REPS2: variants seen among roughly 807,000 people sequenced by gnomAD.
The protein encoded by REPS2 is RALBP1 associated Eps domain containing 2, also known as ralBP1-associated Eps domain-containing protein 2.
Under a neutral mutation model 53.6 loss-of-function variants are expected in REPS2, and 23 were observed. The ratio of observed to expected loss-of-function variants is 0.43; its 90% CI spans 0.31 to 0.61. The LOEUF is 0.61. REPS2 is among the 20% of genes least tolerant of loss of function. REPS2 has a pLI of 0.11. For missense variants in REPS2, 446 were observed against 534.9 expected (o/e 0.83, Z 1.64); for synonymous variants, 238 against 218.6 (o/e 1.09, Z -0.78).
At chrX:16,951,559 A>ACACACACACACCCCCCC (rs879259718) in intron 1 of REPS2, among the ~76,000 whole-genome samples, 1 of 37,477 alleles carries the variant, frequency 2.7e-5, no homozygotes, top group Non-Finnish European at 5.5e-5. Flanking sequence ...ACACACACAC[A>ACACACACACACCCCCCC]CCCCCGCTAC....
intron 1 of REPS2, among the ~76,000 whole-genome samples, chrX:16,954,610 G>A (rs766904368): frequency 1.8e-5 from 2 of 110,699 alleles, no homozygotes; most frequent in South Asian, 3.8e-4. Flanking sequence ...GGAGATAGAC[G>A]TGCTTGAGAA....
chrX:17,006,132 T>C, intron 1 of REPS2, 89 bp from the exon 2 acceptor site: 2 of 1,079,018 alleles, frequency 1.9e-6, no homozygotes, highest in Non-Finnish European at 2.5e-6. Flanking sequence ...AGCCACTAGG[T>C]GAAATCCTTG....
At chrX:17,159,894 G>A in the REPS2 span, among the ~76,000 whole-genome samples, 1 of 112,068 alleles carries the variant, frequency 8.9e-6, no homozygotes, top group Non-Finnish European at 1.9e-5. Flanking sequence ...ATGATTTGAT[G>A]ACATCCTTCT....
chrX:16,973,287 T>C (rs2060916755), intron 1 of REPS2, among the ~76,000 whole-genome samples: 1 of 111,903 alleles, frequency 8.9e-6, no homozygotes, highest in South Asian at 3.7e-4. Context: ...TACAGTAAAA[T>C]TATTACTTTT....
intron 1 of REPS2, among the ~76,000 whole-genome samples, chrX:16,999,963 C>A (rs1290254849): frequency 1.1e-5 from 1 of 94,596 alleles, no homozygotes; most frequent in Non-Finnish European, 2.1e-5. Context: ...AGGAGAATGG[C>A]GTGAACCCGG....
intron 13 of REPS2, among the ~76,000 whole-genome samples, chrX:17,083,648 G>A (rs971190411): frequency 1.1e-4 from 12 of 111,905 alleles, no homozygotes; most frequent in Non-Finnish European, 2.3e-4. Flanking sequence ...AGTAAGAGAT[G>A]TTCCTAATAC....
chrX:17,094,845 G>A (rs2062674500), intron 13 of REPS2, among the ~76,000 whole-genome samples: 1 of 109,419 alleles, frequency 9.1e-6, no homozygotes. Flanking sequence ...GCTTCATAAG[G>A]GTATAGCTTT....
intron 1 of REPS2, among the ~76,000 whole-genome samples, chrX:16,954,257 G>A (rs2060562689): frequency 8.9e-6 from 1 of 111,810 alleles, no homozygotes; most frequent in Non-Finnish European, 1.9e-5. Context: ...ACCACACCCT[G>A]CCATTTTTCA....
At chrX:17,009,620 T>C (rs979380505) in intron 2 of REPS2, among the ~76,000 whole-genome samples, 2 of 111,025 alleles carry the variant, frequency 1.8e-5, no homozygotes, top group Non-Finnish European at 3.8e-5. Context: ...CTTGTTATGT[T>C]TCCCAGGCTG....
chrX:17,145,560 C>T (rs2063501370), intron 17 of REPS2, among the ~76,000 whole-genome samples: 1 of 111,385 alleles, frequency 9.0e-6, no homozygotes, highest in Non-Finnish European at 1.9e-5. Flanking sequence ...GATTTTTCTT[C>T]TCTCCTACAT....
chrX:17,004,588 T>C (rs2061341517), intron 1 of REPS2, among the ~76,000 whole-genome samples: 1 of 111,070 alleles, frequency 9.0e-6, no homozygotes, highest in African/African-American at 3.3e-5. Flanking sequence ...TGTGTATATA[T>C]TCTACTTTGG....
chrX:17,053,878 A>G (rs1055829849), intron 7 of REPS2, among the ~76,000 whole-genome samples: 2 of 111,562 alleles, frequency 1.8e-5, no homozygotes, highest in Non-Finnish European at 3.8e-5. Context: ...TCGAAATTGG[A>G]GGAGGAGGAT....
intron 1 of REPS2, among the ~76,000 whole-genome samples, chrX:16,992,311 G>A (rs1295306585): frequency 9.0e-6 from 1 of 111,420 alleles, no homozygotes; most frequent in East Asian, 2.8e-4. Context: ...GAATCTGCTG[G>A]CACCTTGATC....
At chrX:17,120,667 C>T (rs895948307) in intron 14 of REPS2, among the ~76,000 whole-genome samples, 2 of 111,340 alleles carry the variant, frequency 1.8e-5, no homozygotes, top group African/African-American at 3.3e-5. Context: ...TGAAGTGGCT[C>T]GCTAAAGCAC....
At chrX:16,988,950 A>G (rs1222536173) in intron 1 of REPS2, among the ~76,000 whole-genome samples, 2 of 111,855 alleles carry the variant, frequency 1.8e-5, no homozygotes, top group African/African-American at 3.2e-5. Context: ...TGTAGATATA[A>G]TTATAAAATT....
At chrX:17,115,795 C>T (rs939492981) in intron 14 of REPS2, among the ~76,000 whole-genome samples, 1 of 112,147 alleles carries the variant, frequency 8.9e-6, no homozygotes, top group African/African-American at 3.2e-5. Context: ...GCCCTTAATC[C>T]GTTTAACCCT....
chrX:17,145,367 G>A (rs1314121170), intron 17 of REPS2, among the ~76,000 whole-genome samples: 1 of 111,443 alleles, frequency 9.0e-6, no homozygotes, highest in Non-Finnish European at 1.9e-5. Context: ...TTTCCTCTGT[G>A]CTCTAGACTT....
chrX:16,981,674 G>T (rs1289248200), intron 1 of REPS2, among the ~76,000 whole-genome samples: 1 of 112,190 alleles, frequency 8.9e-6, no homozygotes, highest in Non-Finnish European at 1.9e-5. Flanking sequence ...GTACCTGACA[G>T]TATCGATTAT....
chrX:17,162,503 C>G, the REPS2 span, among the ~76,000 whole-genome samples: 5 of 112,899 alleles, frequency 4.4e-5, no homozygotes, highest in Middle Eastern at 9.1e-3. Flanking sequence ...TGCGTACATG[C>G]TCAAGAAATA....
Sources: allele counts gnomAD v4.1 joint callset (sites outside exome capture counted in the v4.1 genomes callset), GRCh38; gene constraint gnomAD v4.1.1; transcripts MANE v1.5; gene names NCBI Gene and HGNC (gene_info 2026-07-23, HGNC 2026-07-21).